Variants in COL7A1 observed in about 807,000 individuals in gnomAD.
COL7A1 encodes collagen alpha-1(VII) chain.
COL7A1 carries 296 observed loss-of-function variants against 456.2 expected under a neutral mutation model. The observed-to-expected ratio is 0.65, with a 90% CI of 0.59 to 0.71. The LOEUF (loss-of-function observed/expected upper bound fraction) is 0.71. Ranked by LOEUF, COL7A1 falls within the 30% of genes least tolerant of loss-of-function variation. The pLI is 0.00. For synonymous variants in COL7A1, 1,464 were observed against 1,525.9 expected (o/e 0.96, Z 0.95); for missense variants, 3,441 against 4,017.2 (o/e 0.86, Z 3.88).
chr3:48,566,906 C>G lies in COL7A1; in HGVS notation c.8226+1G>C. On this transcript the variant is annotated splice_donor_variant, in intron 111 of 118. Transcript: ENST00000681320. LOFTEE classifies it high-confidence loss of function. The surrounding 1 kb of genome is among the most constrained non-coding windows in gnomAD (Gnocchi z 5.9). ...CAGGAGTCAGAGCTGGGGCCCCTTA[C>G]CTTCTGGCCCTGAAGTCCTTCGGGG... 2 of 1,600,700 alleles carry G rather than the reference C, an allele frequency of 1.2e-6. No homozygotes were observed. The highest frequency in any genetic ancestry group is 1.3e-5 in the African/African-American group (1 of 74,686).
chr3:48,579,859 A>G lies in COL7A1; in HGVS notation c.5125-45T>C. On this transcript the variant is annotated intron_variant, in intron 57 of 118. Transcript: ENST00000681320. The surrounding 1 kb of genome is among the most constrained non-coding windows in gnomAD (Gnocchi z 4.4). ...TGAGAAGAATGGCTCAACAAGGGGA[A>G]GAGGAGTTGGCGAGGGGATACAGGG... The G allele has an allele frequency of 6.2e-7, 1 of 1,613,944 alleles. No individual in the cohort carries two copies. Among genetic ancestry groups the G allele is most frequent in the African/African-American group, 1.3e-5 (1 of 75,000 alleles).
chr3:48,574,230 G>A lies in COL7A1; in HGVS notation c.6501+32C>T. 2.5e-6 allele frequency: 4 copies of A among 1,613,568 alleles called. No individual in the cohort carries two copies. The highest frequency in any genetic ancestry group is 3.4e-6 in the Non-Finnish European group (4 of 1,179,814). On this transcript the variant is annotated intron_variant, in intron 80 of 118. Coordinates refer to ENST00000681320, the MANE Select transcript of COL7A1 (RefSeq NM_000094.4). This position sits in a 1 kb window ranked among gnomAD's most constrained non-coding sequence, Gnocchi z 5.0. ...AGCAGCACCTAGCGGAGGGTCCGGA[G>A]CCTGGGGCCAGGTGCTTCAGCCACC... is the stretch of plus-strand genomic sequence containing the variant.
At position 48,574,691 on chromosome 3, in the gene COL7A1, G is replaced by A; in HGVS notation, c.6379C>T (p.Pro2127Ser). The stretch of plus-strand genomic sequence containing the variant: ...AGAGGCCTCACCCTGTCTCCTTTGG[G>A]ACCTTGGTCACCATTGCTGCCCGGC... ...GEPGSNGDQG[P>S]KGDRGVPGIK... Residue 2127 changes from proline to serine, a missense_variant, in exon 78 of 119, where the codon CCC becomes TCC. This residue lies in a region of COL7A1 where 2,084 missense variants were observed against 2,501.3 expected (regional missense o/e 0.83). Coordinates refer to ENST00000681320, the MANE Select transcript of COL7A1 (RefSeq NM_000094.4). This position sits in a 1 kb window ranked among gnomAD's most constrained non-coding sequence, Gnocchi z 5.0. The A allele has an allele frequency of 6.2e-7, 1 of 1,613,914 alleles. No homozygotes were observed. The highest frequency in any genetic ancestry group is 1.1e-5 in the South Asian group (1 of 91,074).
At position 48,573,491 on chromosome 3, in the gene COL7A1, C is replaced by T. The variant is rs1331338403; in HGVS notation, c.6618+22G>A. On this transcript the variant is annotated intron_variant, in intron 83 of 118. Transcript: ENST00000681320. The surrounding 1 kb of genome is among the most constrained non-coding windows in gnomAD (Gnocchi z 5.5). ...CACAGCTTGAAGGAGCCTCCTCCTC[C>T]TATCCACACACCTAGACTCACCTTC... The T allele has an allele frequency of 6.2e-7, 1 of 1,614,068 alleles. No homozygotes were observed. Among genetic ancestry groups the T allele is most frequent in the South Asian group, 1.1e-5 (1 of 91,082 alleles).
chr3:48,581,021 C>T lies in COL7A1; in HGVS notation c.4936-95G>A. 6.2e-7 allele frequency: 1 copy of T among 1,600,588 alleles called. No individual in the cohort carries two copies. Among genetic ancestry groups the T allele is most frequent in the Non-Finnish European group, 8.6e-7 (1 of 1,168,818 alleles). ...GAGAAGGGTCTGAGCAGCAGCTGGACAGGAGGCAGGGAGTGGATGGATGAA... is the reference window on the plus strand; with the variant it reads ...GAGAAGGGTCTGAGCAGCAGCTGGATAGGAGGCAGGGAGTGGATGGATGAA... On this transcript the variant is annotated intron_variant, in intron 53 of 118. Coordinates refer to ENST00000681320, the MANE Select transcript of COL7A1 (RefSeq NM_000094.4). The surrounding 1 kb of genome is among the most constrained non-coding windows in gnomAD (Gnocchi z 5.8).
chr3:48,581,430 A>T lies in COL7A1; in HGVS notation c.4818+18T>A, dbSNP rs368227259. ...GACCCCAGAAGCCTTGAGGTTGCCCAGGGTAACGGGTACTCACTGGGGGTC... is the reference window on the plus strand; with the variant it reads ...GACCCCAGAAGCCTTGAGGTTGCCCTGGGTAACGGGTACTCACTGGGGGTC... On this transcript the variant is annotated intron_variant, in intron 51 of 118. Transcript: ENST00000681320. The surrounding 1 kb of genome is among the most constrained non-coding windows in gnomAD (Gnocchi z 5.8). 34 of 1,613,884 alleles carry T rather than the reference A, an allele frequency of 2.1e-5. No individual in the cohort carries two copies. The highest frequency in any genetic ancestry group is 2.8e-5 in the Non-Finnish European group (33 of 1,180,000).
At position 48,594,764 on chromosome 3, in the gene COL7A1, G is replaced by A. The variant is rs2107809505; in HGVS notation, c.86-216C>T. On this transcript the variant is annotated intron_variant, in intron 2 of 118. Transcript: ENST00000681320. The surrounding 1 kb of genome is among the most constrained non-coding windows in gnomAD (Gnocchi z 5.5). ...GGAGGGTTGGGGGTGTGCGGGGGAGGGAGAGTCGCCAGCACGGGTGTGGAC... is the reference window on the plus strand; with the variant it reads ...GGAGGGTTGGGGGTGTGCGGGGGAGAGAGAGTCGCCAGCACGGGTGTGGAC... Among the ~76,000 whole-genome samples the A allele has an allele frequency of 6.6e-6, 1 of 152,248 alleles. No individual in the cohort carries two copies. Among genetic ancestry groups the A allele is most frequent in the African/African-American group, 2.4e-5 (1 of 41,560 alleles).
chr3:48,584,016 C>A lies in COL7A1; in HGVS notation c.4224+19G>T. 12 of 1,614,108 alleles carry A rather than the reference C, an allele frequency of 7.4e-6. No homozygotes were observed. Among genetic ancestry groups the A allele is most frequent in the Non-Finnish European group, 1.0e-5 (12 of 1,180,008 alleles). On this transcript the variant is annotated intron_variant, in intron 38 of 118. Coordinates refer to ENST00000681320, the MANE Select transcript of COL7A1 (RefSeq NM_000094.4). The stretch of plus-strand genomic sequence containing the variant: ...ATCAGACTCCAAGCCACCCCTAGCA[C>A]AACCTGTCCCTCACTTACCCGCTCC...
Position 48,588,311 on chromosome 3 carries a change from T to C in COL7A1, c.2681A>G (p.Gln894Arg), listed in dbSNP as rs377293388. 1 of 1,612,944 alleles carries C rather than the reference T, an allele frequency of 6.2e-7. No individual in the cohort carries two copies. The highest frequency in any genetic ancestry group is 8.5e-7 in the Non-Finnish European group (1 of 1,179,986). ...RLRWEPVPRA[Q>R]GFLLHWQPEG... The stretch of plus-strand genomic sequence containing the variant: ...AGGTTGCCAGTGCAGAAGGAAGCCC[T>C]GCGCTCTGGGCACCGGCTCCCAGCG... The change falls in exon 21 of 119, where the codon CAG becomes CGG. Residue 894 changes from glutamine to arginine, a missense_variant. By Grantham distance (43) the Gln-to-Arg change is conservative (BLOSUM62 1). Around this residue, in one of 3 missense-constraint regions of COL7A1, gnomAD observed 444 missense variants for 427.6 expected, o/e 1.04. Transcript: ENST00000681320. The surrounding 1 kb of genome is among the most constrained non-coding windows in gnomAD (Gnocchi z 4.6).
Position 48,584,939 on chromosome 3 carries a change from G to A in COL7A1, c.3982C>T (p.Pro1328Ser). 3 of 1,613,910 alleles carry A rather than the reference G, an allele frequency of 1.9e-6. No individual in the cohort carries two copies. The highest frequency in any genetic ancestry group is 2.5e-6 in the Non-Finnish European group (3 of 1,180,000). The change falls in exon 34 of 119, where the codon CCA becomes TCA. Residue 1328 changes from proline to serine, a missense_variant. Pro to Ser is a moderately conservative substitution (Grantham distance 74). Coordinates refer to ENST00000681320, the MANE Select transcript of COL7A1 (RefSeq NM_000094.4). ...TPGAPGLKGS[P>S]GLPGPRGDPG... ...TCCCCACGAGGGCCAGGCAACCCTGGAGAGCCCTGCAAATGGAGGCCAGAG... is the reference window on the plus strand; with the variant it reads ...TCCCCACGAGGGCCAGGCAACCCTGAAGAGCCCTGCAAATGGAGGCCAGAG...
chr3:48,568,613 C>A lies in COL7A1; in HGVS notation c.7759-79G>T. On this transcript the variant is annotated intron_variant, in intron 104 of 118. Coordinates refer to ENST00000681320, the MANE Select transcript of COL7A1 (RefSeq NM_000094.4). This position sits in a 1 kb window ranked among gnomAD's most constrained non-coding sequence, Gnocchi z 5.2. Reference sequence around the variant, plus strand: ...CCCATCCGCTGCATGTGTGGCCACTCAGATGCTCAGCGGCCAGGGCCCAGG... The same window carrying A: ...CCCATCCGCTGCATGTGTGGCCACTAAGATGCTCAGCGGCCAGGGCCCAGG... The A allele has an allele frequency of 6.5e-7, 1 of 1,533,450 alleles. No individual in the cohort carries two copies. The highest frequency in any genetic ancestry group is 1.9e-5 in the Admixed American group (1 of 52,972). 95.0% of individuals were successfully genotyped at this position (1,533,450 alleles called of 1,614,324 possible).
Position 48,568,473 on chromosome 3 carries a change from C to A in COL7A1, c.7794+26G>T. The stretch of plus-strand genomic sequence containing the variant: ...ACGGGGGCCCTCTGGGGACAGGGGG[C>A]CCCTGTGGGAGCAGGGGCATCTTAC... On this transcript the variant is annotated intron_variant, in intron 105 of 118. Coordinates refer to ENST00000681320, the MANE Select transcript of COL7A1 (RefSeq NM_000094.4). This position sits in a 1 kb window ranked among gnomAD's most constrained non-coding sequence, Gnocchi z 5.2. The A allele has an allele frequency of 6.3e-7, 1 of 1,590,874 alleles. No homozygotes were observed. Among genetic ancestry groups the A allele is most frequent in the Non-Finnish European group, 8.6e-7 (1 of 1,164,972 alleles).
At position 48,585,931 on chromosome 3, in the gene COL7A1, G is replaced by T. The variant is rs2045218850; in HGVS notation, c.3759+9C>A. Reference sequence around the variant, plus strand: ...AGCCTCTGTTCACCTCTCGATGAGGGACTCTTACCTTTGGACAATACACTG... The same window carrying T: ...AGCCTCTGTTCACCTCTCGATGAGGTACTCTTACCTTTGGACAATACACTG... On this transcript the variant is annotated intron_variant, in intron 29 of 118. Coordinates refer to ENST00000681320, the MANE Select transcript of COL7A1 (RefSeq NM_000094.4). This position sits in a 1 kb window ranked among gnomAD's most constrained non-coding sequence, Gnocchi z 4.5. The T allele has an allele frequency of 1.9e-6, 3 of 1,614,150 alleles. No homozygotes were observed. Among genetic ancestry groups the T allele is most frequent in the Non-Finnish European group, 1.7e-6 (2 of 1,180,038 alleles).
chr3:48,573,242 G>A lies in COL7A1; in HGVS notation c.6652-6C>T. On this transcript the variant is annotated splice_polypyrimidine_tract_variant and splice_region_variant and intron_variant, in intron 84 of 118. Coordinates refer to ENST00000681320, the MANE Select transcript of COL7A1 (RefSeq NM_000094.4). The surrounding 1 kb of genome is among the most constrained non-coding windows in gnomAD (Gnocchi z 5.5). ...CCAGTAGGTCCAGTCAGGCCCTGGA[G>A]GAAGAGAAAGTTCAGGGCAGTGCCA... The A allele has an allele frequency of 6.2e-7, 1 of 1,614,096 alleles. No individual in the cohort carries two copies. Among genetic ancestry groups the A allele is most frequent in the Non-Finnish European group, 8.5e-7 (1 of 1,180,030 alleles).
chr3:48,575,824 A>T lies in COL7A1; in HGVS notation c.5856+43T>A. 6.2e-7 allele frequency: 1 copy of T among 1,614,044 alleles called. No homozygotes were observed. Among genetic ancestry groups the T allele is most frequent in the East Asian group, 2.2e-5 (1 of 44,838 alleles). The stretch of plus-strand genomic sequence containing the variant: ...ATGCCTGTGGGCACCACTAGCCCCA[A>T]GGGCCCCCACTTGTCCCTACCCCCA... On this transcript the variant is annotated intron_variant, in intron 72 of 118. Transcript: ENST00000681320. This position sits in a 1 kb window ranked among gnomAD's most constrained non-coding sequence, Gnocchi z 6.3.
Position 48,567,782 on chromosome 3 carries a change from G to T in COL7A1, c.7930-19C>A, listed in dbSNP as rs191603815. 15 of 1,614,176 alleles carry T rather than the reference G, an allele frequency of 9.3e-6. No individual in the cohort carries two copies. Among genetic ancestry groups the T allele is most frequent in the Non-Finnish European group, 1.2e-5 (14 of 1,180,020 alleles). On this transcript the variant is annotated intron_variant, in intron 107 of 118. Coordinates refer to ENST00000681320, the MANE Select transcript of COL7A1 (RefSeq NM_000094.4). This position sits in a 1 kb window ranked among gnomAD's most constrained non-coding sequence, Gnocchi z 4.3. The stretch of plus-strand genomic sequence containing the variant: ...CTTCTCCCTGCAGGCATCAGGCAGT[G>T]GGGTGAGCCTTAGGCCCCAGGCCAC...
rs1335588846 is a variant in COL7A1 at position 48,565,971 on chromosome 3, C to T, written c.8407+296G>A. ...AAGAGACAGCTTCACTCTGATGCCC[C>T]TCCCACCGGGTCCAGGTCAGGCCCA... On this transcript the variant is annotated intron_variant, in intron 114 of 118. Transcript: ENST00000681320. This position sits in a 1 kb window ranked among gnomAD's most constrained non-coding sequence, Gnocchi z 4.5. Among the ~76,000 whole-genome samples, 3 of 152,154 alleles carry T rather than the reference C, an allele frequency of 2.0e-5. No individual in the cohort carries two copies. Among genetic ancestry groups the T allele is most frequent in the African/African-American group, 7.2e-5 (3 of 41,420 alleles).
chr3:48,590,639 C>A lies in COL7A1; in HGVS notation c.1780+34G>T, dbSNP rs373053594. On this transcript the variant is annotated intron_variant, in intron 14 of 118. Transcript: ENST00000681320. This position sits in a 1 kb window ranked among gnomAD's most constrained non-coding sequence, Gnocchi z 4.6. ...AGAACCAGGACCAGAGTGAGGCAGG[C>A]AGCTGTCCTCCACAAGCCTCCTGCA... 6.2e-7 allele frequency: 1 copy of A among 1,613,844 alleles called. No homozygotes were observed. Among genetic ancestry groups the A allele is most frequent in the African/African-American group, 1.3e-5 (1 of 74,906 alleles).
In COL7A1 at chr3:48,567,321, G is replaced by C. The variant is rs905759091; in HGVS notation, c.8047-131C>G. 2.5e-6 allele frequency: 3 copies of C among 1,178,050 alleles called. No homozygotes were observed. Among genetic ancestry groups the C allele is most frequent in the African/African-American group, 3.0e-5 (2 of 65,992 alleles). 73.0% of individuals were successfully genotyped at this position (1,178,050 alleles called of 1,614,324 possible). A position where few individuals can be genotyped will look rare whatever the true frequency, so the allele number is the denominator to read the frequency against. On this transcript the variant is annotated intron_variant, in intron 109 of 118. Coordinates refer to ENST00000681320, the MANE Select transcript of COL7A1 (RefSeq NM_000094.4). The surrounding 1 kb of genome is among the most constrained non-coding windows in gnomAD (Gnocchi z 4.3). ...AACCCAAGCACCTGTGAGCCAACCAGATGTGATCCCCATGACTCCAACTCC... is the reference window on the plus strand; with the variant it reads ...AACCCAAGCACCTGTGAGCCAACCACATGTGATCCCCATGACTCCAACTCC...
Sources: allele counts gnomAD v4.1 joint callset (sites outside exome capture counted in the v4.1 genomes callset), GRCh38; gene constraint gnomAD v4.1.1; regional missense constraint gnomAD v4.1.1; non-coding constraint Gnocchi (gnomAD v3.1); transcripts MANE v1.5; gene names NCBI Gene and HGNC (gene_info 2026-07-23, HGNC 2026-07-21).